Variants in SBNO2 observed in about 807,000 individuals in gnomAD.
SBNO2 encodes the protein strawberry notch homolog 2, also known as protein strawberry notch homolog 2.
A neutral mutation model predicts 146.3 loss-of-function variants in SBNO2; 89 were observed. The ratio of observed to expected loss-of-function variants is 0.61; its 90% confidence interval spans 0.51 to 0.73. The LOEUF is 0.73. Among genes scored for constraint, SBNO2 ranks in the 30% least tolerant of loss-of-function variants. The pLI is 0.00. For missense variants in SBNO2, 2,092 were observed against 2,003.7 expected, an observed-to-expected ratio of 1.04 and a Z score of -0.84; for synonymous variants, 1,147 against 892.6, an observed-to-expected ratio of 1.29 and a Z score of -5.08.
At position 1,158,621 on chromosome 19, in the gene SBNO2, G is replaced by A. The variant is rs2080314451; in HGVS notation, c.-126-4219C>T. ...AAGGCGGACATGGAGGTCTGAGGAG[G>A]AGGCGGCGAGGCCCGGGCGAGCGGG... On this transcript the variant is annotated intron_variant, in intron 1 of 31. Coordinates refer to ENST00000361757, the MANE Select transcript of SBNO2 (RefSeq NM_014963.3). The surrounding 1 kb of genome is among the most constrained non-coding windows in gnomAD (Gnocchi z 9.9). Among the ~76,000 whole-genome samples the A allele has an allele frequency of 6.6e-6, 1 of 152,226 alleles. No individual in the cohort carries two copies. Among genetic ancestry groups the A allele is most frequent in the South Asian group, 2.1e-4 (1 of 4,838 alleles).
chr19:1,158,962 C>T lies in SBNO2; in HGVS notation c.-126-4560G>A, dbSNP rs2080318025. Among the ~76,000 whole-genome samples, 1 of 150,922 alleles carries T rather than the reference C, an allele frequency of 6.6e-6. No homozygotes were observed. Among genetic ancestry groups the T allele is most frequent in the Non-Finnish European group, 1.5e-5 (1 of 67,582 alleles). ...GACCCCACCTGCAGCCGTGACCCCA[C>T]TTGCAGCTGCAACCGCCGCCCCACG... is the stretch of plus-strand genomic sequence containing the variant. On this transcript the variant is annotated intron_variant, in intron 1 of 31. Coordinates refer to ENST00000361757, the MANE Select transcript of SBNO2 (RefSeq NM_014963.3). The surrounding 1 kb of genome is among the most constrained non-coding windows in gnomAD (Gnocchi z 9.9).
chr19:1,118,955 G>T, intron 14 of SBNO2, 56 bp downstream of exon 14: 3 of 1,528,672 alleles, frequency 2.0e-6, no homozygotes, highest in Non-Finnish European at 1.8e-6. Context: ...GGCCACGGGG[G>T]AGCAATTTCA....
In SBNO2 at chr19:1,124,315, T is replaced by G. The variant is rs139904756; in HGVS notation, c.442-293A>C. Among the ~76,000 whole-genome samples the G allele has an allele frequency of 2.4e-3, 367 of 152,268 alleles. 2 individuals are homozygous for G. Among genetic ancestry groups the G allele is most frequent in the African/African-American group, 8.4e-3 (350 of 41,548 alleles). ...CTGCCTGGAGTGCCCGGGAGGAAGG[T>G]GCCCGGCTAGTTCTGACAGACAACA... is the stretch of plus-strand genomic sequence containing the variant. On this transcript the variant is annotated intron_variant, in intron 5 of 31. Coordinates refer to ENST00000361757, the MANE Select transcript of SBNO2 (RefSeq NM_014963.3).
intron 2 of SBNO2, among the ~76,000 whole-genome samples, chr19:1,151,782 C>A (rs2080244567): frequency 6.6e-6 from 1 of 152,214 alleles, no homozygotes; most frequent in Non-Finnish European, 1.5e-5. Flanking sequence ...CCTGTCTCAG[C>A]CTCATGCGTA....
At position 1,119,057 on chromosome 19, in the gene SBNO2, G is replaced by A. The variant is rs368978816; in HGVS notation, c.1481C>T (p.Pro494Leu). 1.2e-5 allele frequency: 20 copies of A among 1,605,430 alleles called. No individual in the cohort carries two copies. Among genetic ancestry groups the A allele is most frequent in the African/African-American group, 8.0e-5 (6 of 74,866 alleles). ...SGVTFRIEEIPLAPAFECVYN... is the reference protein window; with the variant it reads ...SGVTFRIEEILLAPAFECVYN... Reference sequence around the variant, plus strand: ...GACGCACTCGAAGGCTGGGGCCAGCGGGATCTCCTCGATGCGGAAGGTGAC... The same window carrying A: ...GACGCACTCGAAGGCTGGGGCCAGCAGGATCTCCTCGATGCGGAAGGTGAC... Residue 494 changes from proline (P) to leucine (L), a missense_variant, in exon 14 of 32, where the codon CCG (proline) becomes CTG (leucine). Coordinates refer to ENST00000361757, the MANE Select transcript of SBNO2 (RefSeq NM_014963.3).
At chr19:1,139,597 C>T (rs1031638206) in intron 4 of SBNO2, among the ~76,000 whole-genome samples, 1 of 152,060 alleles carries the variant, frequency 6.6e-6, no homozygotes, top group South Asian at 2.1e-4. Flanking sequence ...GAGTTTGAGA[C>T]CACCCTGGCC....
At chr19:1,167,647 G>A (rs965300027) in intron 1 of SBNO2, among the ~76,000 whole-genome samples, 1 of 152,108 alleles carries the variant, frequency 6.6e-6, no homozygotes, top group Non-Finnish European at 1.5e-5. Context: ...ACGATGCCGG[G>A]ACCCGAGGAA....
At chr19:1,167,396 G>C (rs2080436107) in intron 1 of SBNO2, among the ~76,000 whole-genome samples, 1 of 152,252 alleles carries the variant, frequency 6.6e-6, no homozygotes, top group Non-Finnish European at 1.5e-5. Context: ...TCAAGGCACT[G>C]CTGTCCTGGG....
At chr19:1,165,757 CCAGACCCCAGATCT>C (rs2080410538) in intron 1 of SBNO2, among the ~76,000 whole-genome samples, 1 of 58,276 alleles carries the variant, frequency 1.7e-5, no homozygotes, top group African/African-American at 6.7e-5. Context: ...ATCTCAGACC[CCAGACCCCAGATCT>C]CAGACCCCAG....
intron 2 of SBNO2, 123 bp from the exon 3 acceptor site, chr19:1,149,565 C>A: frequency 1.2e-6 from 1 of 840,530 alleles, no homozygotes. Context: ...GGGTCCCATC[C>A]CGCCCCTGCT....
At chr19:1,119,885 G>T in intron 12 of SBNO2, 21 bp downstream of exon 12, 1 of 1,519,276 alleles carries the variant, frequency 6.6e-7, no homozygotes, top group Non-Finnish European at 8.9e-7. Context: ...GGTGGGTCAC[G>T]TGGGATCCGC....
chr19:1,122,768 G>A lies in SBNO2; in HGVS notation c.804C>T (p.Ser268=), dbSNP rs527263008. 46 of 1,537,802 alleles carry A rather than the reference G, an allele frequency of 3.0e-5. No individual in the cohort carries two copies. The Middle Eastern group carries it at 1.2e-3, about 39-fold the overall frequency. ...ACQQHEVLLP[S]GQRAGFLIGD... is the part of the protein sequence containing the mutation. ...CGATGAGAAAGCCCGCGCGCTGCCCGCTGGGGAGCAGGACCTCGTGTTGCT... is the reference window on the plus strand; with the variant it reads ...CGATGAGAAAGCCCGCGCGCTGCCCACTGGGGAGCAGGACCTCGTGTTGCT... The change falls in exon 9 of 32, where the codon AGC becomes AGT. Residue 268 remains serine, a synonymous_variant. Coordinates refer to ENST00000361757, the MANE Select transcript of SBNO2 (RefSeq NM_014963.3).
rs568378888 is a variant in SBNO2, at chr19:1,109,987, C to G, written c.3029-210G>C. On this transcript the variant is annotated intron_variant, in intron 26 of 31. Transcript: ENST00000361757. This position sits in a 1 kb window ranked among gnomAD's most constrained non-coding sequence, Gnocchi z 4.2. The stretch of plus-strand genomic sequence containing the variant: ...CGCTCAGGTCCTAGGTAACCCCGAG[C>G]AGGCTGTGGGGGATCGTGGGAGCCT... Among the ~76,000 whole-genome samples, 5 of 151,690 alleles carry G rather than the reference C, an allele frequency of 3.3e-5. No individual in the cohort carries two copies. The South Asian group carries it at 1.0e-3, about 32-fold the overall frequency.
chr19:1,109,942 G>T lies in SBNO2; in HGVS notation c.3029-165C>A, dbSNP rs1476125124. The stretch of plus-strand genomic sequence containing the variant: ...CTGGCCCAGCGTGGGGATGGTGCAC[G>T]TGGGCCCCAACCTGGCAACCGCTCA... On this transcript the variant is annotated intron_variant, in intron 26 of 31. Transcript: ENST00000361757. The surrounding 1 kb of genome is among the most constrained non-coding windows in gnomAD (Gnocchi z 4.2). Among the ~76,000 whole-genome samples, 2 of 152,110 alleles carry T rather than the reference G, an allele frequency of 1.3e-5. No homozygotes were observed. The highest frequency in any genetic ancestry group is 1.9e-4 in the East Asian group (1 of 5,182).
chr19:1,116,063 T>G lies in SBNO2; in HGVS notation c.1843A>C (p.Thr615Pro). 6.2e-7 allele frequency: 1 copy of G among 1,611,154 alleles called. No homozygotes were observed. Among genetic ancestry groups the G allele is most frequent in the Non-Finnish European group, 8.5e-7 (1 of 1,179,214 alleles). Residue 615 changes from threonine (T) to proline (P), a missense_variant, in exon 17 of 32, where the codon ACC (threonine) becomes CCC (proline). By Grantham distance (38) the Thr-to-Pro change is conservative. Transcript: ENST00000361757. ...LSLIQKHFPS[T>P]KRKRDRGAGS... ...GCTCCTCTGTCCCGCTTTCTCTTGG[T>G]GGACGGAAAGTGCTTCTGAATTAGC... is the stretch of plus-strand genomic sequence containing the variant.
rs1020514217 is a variant in SBNO2, at chr19:1,110,077, G to A, written c.3029-300C>T. On this transcript the variant is annotated intron_variant, in intron 26 of 31. Transcript: ENST00000361757. This position sits in a 1 kb window ranked among gnomAD's most constrained non-coding sequence, Gnocchi z 4.9. Reference sequence around the variant, plus strand: ...GGGGGATCGTGGGAGCCTGGGGGCCGCTCAGATCCTAGGTAACCCCAAGCA... The same window carrying A: ...GGGGGATCGTGGGAGCCTGGGGGCCACTCAGATCCTAGGTAACCCCAAGCA... Among the ~76,000 whole-genome samples the A allele has an allele frequency of 8.0e-5, 12 of 150,458 alleles. No homozygotes were observed. The highest frequency in any genetic ancestry group is 2.5e-4 in the African/African-American group (10 of 40,772).
intron 2 of SBNO2, among the ~76,000 whole-genome samples, 187 bp downstream of exon 2, chr19:1,153,997 C>CCCCATGGGGACCCTTCTCCAGGG (rs2080265540): frequency 6.6e-6 from 1 of 152,230 alleles, no homozygotes; most frequent in African/African-American, 2.4e-5. Flanking sequence ...CCATTCACAT[C>CCCCATGGGGACCCTTCTCCAGGG]CCCATGGGGA....
Position 1,144,542 on chromosome 19 carries a change from A to G in SBNO2, c.279+2767T>C, listed in dbSNP as rs1298920134. Reference sequence around the variant, plus strand: ...GACAGAGATGGAGACGGAGACAGAGACAGAGACATGGAGAGAGACAGAGAC... The same window carrying G: ...GACAGAGATGGAGACGGAGACAGAGGCAGAGACATGGAGAGAGACAGAGAC... On this transcript the variant is annotated intron_variant, in intron 4 of 31. Transcript: ENST00000361757. This position sits in a 1 kb window ranked among gnomAD's most constrained non-coding sequence, Gnocchi z 4.1. 1.3e-5 allele frequency among the ~76,000 whole-genome samples: 2 copies of G among 152,158 alleles called. No individual in the cohort carries two copies. Among genetic ancestry groups the G allele is most frequent in the South Asian group, 4.1e-4 (2 of 4,828 alleles).
intron 14 of SBNO2, 89 bp from the exon 15 acceptor site, chr19:1,117,588 G>A: frequency 7.3e-7 from 1 of 1,373,566 alleles, no homozygotes; most frequent in Admixed American, 2.5e-5. Flanking sequence ...CCCTGGGCAA[G>A]GCATCCCCAC....
Sources: gnomAD v4.1 joint callset for allele counts (sites outside exome capture counted in the v4.1 genomes callset) on GRCh38, gnomAD v4.1.1 for gene constraint, Gnocchi (gnomAD v3.1) non-coding constraint, MANE v1.5 for transcripts, NCBI Gene and HGNC (gene_info 2026-07-23, HGNC 2026-07-21) for gene names.